Variants in DOCK10 observed in about 807,000 individuals in gnomAD.
The protein encoded by DOCK10 is dedicator of cytokinesis 10, also known as dedicator of cytokinesis protein 10.
In DOCK10, 145 loss-of-function variants were observed where a neutral mutation model predicts 280.1. The observed-to-expected ratio is 0.52, with a 90% CI of 0.45 to 0.59. The LOEUF (loss-of-function observed/expected upper bound fraction) is 0.59, where lower values mean the gene tolerates loss of function less well. Ranked by LOEUF, DOCK10 falls within the 20% of genes least tolerant of loss-of-function variation. DOCK10 has a pLI of 0.00. For synonymous variants in DOCK10, 915 were observed against 942.2 expected, an observed-to-expected ratio of 0.97 and a Z score of 0.53; for missense variants, 2,368 against 2,651.7, an observed-to-expected ratio of 0.89 and a Z score of 2.35.
intron 3 of DOCK10, 28 bp downstream of exon 3, chr2:224,916,667 A>T (rs769963598): frequency 2.6e-6 from 4 of 1,539,480 alleles, no homozygotes; most frequent in Non-Finnish European, 3.6e-6. Context: ...AAAGCCTTAA[A>T]ATAAAGCATT....
intron 51 of DOCK10, among the ~76,000 whole-genome samples, chr2:224,776,011 A>AT (rs58426729): frequency 0.014 from 2,044 of 144,294 alleles, 27 homozygotes; most frequent in East Asian, 0.063. Context: ...CATCCCATGC[A>AT]TTTTTTTTTT....
At chr2:224,827,987 T>C (rs1033723613) in intron 27 of DOCK10, among the ~76,000 whole-genome samples, 13 of 152,130 alleles carry the variant, frequency 8.5e-5, no homozygotes, top group African/African-American at 2.7e-4. Context: ...AGAAGTTTAA[T>C]TCCTCCCTAT....
chr2:224,834,122 A>T (rs774064038), intron 26 of DOCK10, 28 bp downstream of exon 26: 5 of 1,357,958 alleles, frequency 3.7e-6, no homozygotes, highest in Non-Finnish European at 5.3e-6. Context: ...TAGTACTCAC[A>T]GTTAAAGGAC....
intron 1 of DOCK10, among the ~76,000 whole-genome samples, chr2:224,965,139 T>C (rs1307207894): frequency 6.6e-6 from 1 of 152,258 alleles, no homozygotes; most frequent in Non-Finnish European, 1.5e-5. Context: ...GTGTATCTCA[T>C]GAGGCACATT....
intron 50 of DOCK10, among the ~76,000 whole-genome samples, chr2:224,782,090 G>C (rs1389230008): frequency 2.0e-5 from 3 of 152,136 alleles, no homozygotes; most frequent in African/African-American, 7.2e-5. Context: ...GCTTCTCTTA[G>C]CATATAAATC....
chr2:224,918,769 G>A (rs1701489078), intron 2 of DOCK10, among the ~76,000 whole-genome samples: 1 of 118,872 alleles, frequency 8.4e-6, no homozygotes, highest in South Asian at 2.6e-4. Flanking sequence ...TCGCATTTGA[G>A]TGCATGTGTA....
intron 1 of DOCK10, chr2:225,010,584 G>C (rs1316913844): frequency 1.3e-5 from 2 of 154,286 alleles, no homozygotes; most frequent in African/African-American, 4.8e-5. Context: ...CAGACTTTGA[G>C]AAAGGGAAGG....
At chr2:224,919,106 G>C (rs1701531078) in intron 2 of DOCK10, among the ~76,000 whole-genome samples, 1 of 149,020 alleles carries the variant, frequency 6.7e-6, no homozygotes, top group African/African-American at 2.5e-5. Flanking sequence ...TGTATGTGTG[G>C]TGAGTTTATG....
chr2:224,860,238 TCTC>T (rs1260741320), intron 14 of DOCK10, among the ~76,000 whole-genome samples: 2 of 152,140 alleles, frequency 1.3e-5, no homozygotes, highest in Non-Finnish European at 2.9e-5. Context: ...GATTGTCACT[TCTC>T]CTAACTTCTC....
chr2:224,849,018 A>G (rs538506084), intron 19 of DOCK10, among the ~76,000 whole-genome samples: 11 of 152,156 alleles, frequency 7.2e-5, no homozygotes, highest in Non-Finnish European at 1.5e-4. Flanking sequence ...TGTTGCCAGG[A>G]TGGAGTGCAG....
chr2:224,900,362 TAAC>T (rs147198494), intron 3 of DOCK10, among the ~76,000 whole-genome samples: 2,496 of 152,254 alleles, frequency 0.016, 66 homozygotes, highest in African/African-American at 0.055. Flanking sequence ...CATACAGTCT[TAAC>T]AAGCATTCTT....
chr2:224,865,770 G>A (rs1697862491), intron 11 of DOCK10, among the ~76,000 whole-genome samples: 1 of 151,988 alleles, frequency 6.6e-6, no homozygotes, highest in Non-Finnish European at 1.5e-5. Flanking sequence ...GAAAGGTTGT[G>A]TAAAAGGTGC....
chr2:224,975,425 A>C (rs771816420), intron 1 of DOCK10, among the ~76,000 whole-genome samples: 12 of 152,232 alleles, frequency 7.9e-5, no homozygotes, highest in Non-Finnish European at 1.3e-4. Flanking sequence ...GGAATCTGAT[A>C]ATATTCATAT....
At chr2:224,814,481 T>A in intron 30 of DOCK10, 117 bp from the exon 31 acceptor site, 3 of 482,640 alleles carry the variant, frequency 6.2e-6, no homozygotes, top group Non-Finnish European at 1.0e-5. Context: ...AAAATGTGAG[T>A]CTTCAGTATT....
At position 224,851,084 on chromosome 2, in the gene DOCK10, C is replaced by T. The variant is rs796566951; in HGVS notation, c.2142+1293G>A. 7.3e-4 allele frequency among the ~76,000 whole-genome samples: 111 copies of T among 152,216 alleles called. 1 individual carries two copies. The highest frequency in any genetic ancestry group is 2.6e-3 in the African/African-American group (108 of 41,530). The stretch of plus-strand genomic sequence containing the variant: ...GGATAGGGCTGGTTACCATCTCCAC[C>T]ACAGCATGCTACTATTCTGTCCAGC... On this transcript the variant is annotated intron_variant, in intron 18 of 55. Transcript: ENST00000258390.
chr2:224,857,919 A>G (rs981270707), intron 14 of DOCK10, among the ~76,000 whole-genome samples: 3 of 152,218 alleles, frequency 2.0e-5, no homozygotes. Context: ...ATAGAACACC[A>G]AAAGAAAATA....
intron 4 of DOCK10, among the ~76,000 whole-genome samples, chr2:224,895,234 C>T (rs932163444): frequency 6.6e-6 from 1 of 152,188 alleles, no homozygotes; most frequent in Non-Finnish European, 1.5e-5. Flanking sequence ...TCCAAGTATA[C>T]AAGTCTTGAA....
chr2:224,985,543 A>G (rs1705950084), intron 1 of DOCK10, among the ~76,000 whole-genome samples: 1 of 151,664 alleles, frequency 6.6e-6, no homozygotes, highest in African/African-American at 2.4e-5. Flanking sequence ...ATGGAGGGAG[A>G]TGTTTTTAAC....
At chr2:224,803,375 C>A (rs1403313148) in intron 39 of DOCK10, among the ~76,000 whole-genome samples, 1 of 151,778 alleles carries the variant, frequency 6.6e-6, no homozygotes, top group South Asian at 2.1e-4. Flanking sequence ...TCGCTATGTA[C>A]GACTCTTATA....
Sources: allele counts gnomAD v4.1 joint callset (sites outside exome capture counted in the v4.1 genomes callset), GRCh38; gene constraint gnomAD v4.1.1; transcripts MANE v1.5; gene names NCBI Gene and HGNC (gene_info 2026-07-23, HGNC 2026-07-21).